Variants in STAU2 observed in about 807,000 individuals in gnomAD.
STAU2 encodes the protein double-stranded RNA-binding protein Staufen homolog 2.
Under a neutral mutation model 65.9 loss-of-function variants are expected in STAU2, and 20 were observed. The observed-to-expected ratio is 0.30, with a 90% CI of 0.21 to 0.44. STAU2 has a LOEUF of 0.44. Among genes scored for constraint, STAU2 ranks in the 20% least tolerant of loss-of-function variants. STAU2 has a pLI of 1.00. For missense variants in STAU2, 558 were observed against 683.9 expected (o/e 0.82, Z 2.05); for synonymous variants, 232 against 233.9 (o/e 0.99, Z 0.07).
chr8:73,516,935 G>C (rs749582800), intron 13 of STAU2, among the ~76,000 whole-genome samples: 14 of 152,014 alleles, frequency 9.2e-5, no homozygotes, highest in Non-Finnish European at 1.6e-4. Flanking sequence ...GTTATTTATT[G>C]GTTTAATAAT....
intron 3 of STAU2, among the ~76,000 whole-genome samples, chr8:73,726,524 T>C (rs191959891): frequency 2.0e-5 from 3 of 152,214 alleles, no homozygotes; most frequent in Non-Finnish European, 4.4e-5. Context: ...CCACTCGATA[T>C]TTCCCACAGC....
At chr8:73,711,901 C>A (rs1014503970) in intron 3 of STAU2, among the ~76,000 whole-genome samples, 44 of 152,150 alleles carry the variant, frequency 2.9e-4, no homozygotes, top group African/African-American at 9.9e-4. Context: ...AATAATTAGT[C>A]ATAGTTGTTT....
chr8:73,656,383 G>T (rs1816376725), intron 6 of STAU2, among the ~76,000 whole-genome samples: 1 of 152,202 alleles, frequency 6.6e-6, no homozygotes, highest in Admixed American at 6.5e-5. Flanking sequence ...GGCAATTGAT[G>T]TTAAGTCCTC....
At chr8:73,539,905 C>T (rs1806432798) in intron 13 of STAU2, among the ~76,000 whole-genome samples, 1 of 149,252 alleles carries the variant, frequency 6.7e-6, no homozygotes, top group African/African-American at 2.5e-5. Context: ...ATGAATAACG[C>T]CTCAAGGAAT....
intron 13 of STAU2, chr8:73,511,422 C>T (rs1001665481): frequency 1.3e-5 from 2 of 152,624 alleles, no homozygotes; most frequent in African/African-American, 2.4e-5. Context: ...TTTCTGATTC[C>T]TCTGCTGTAT....
intron 5 of STAU2, among the ~76,000 whole-genome samples, chr8:73,685,566 C>T (rs1031044207): frequency 6.6e-5 from 10 of 151,920 alleles, no homozygotes; most frequent in African/African-American, 2.4e-4. Flanking sequence ...TTAGTAGAGA[C>T]AGGGTTTCAC....
chr8:73,707,229 G>A (rs1312126998), intron 4 of STAU2, among the ~76,000 whole-genome samples: 1 of 152,164 alleles, frequency 6.6e-6, no homozygotes, highest in East Asian at 1.9e-4. Context: ...GGGAAAGAAA[G>A]GAATAGTAAA....
At chr8:73,699,736 A>T (rs189923537) in intron 4 of STAU2, among the ~76,000 whole-genome samples, 73 of 152,142 alleles carry the variant, frequency 4.8e-4, no homozygotes, top group Middle Eastern at 3.4e-3. Flanking sequence ...ATTCTACCAA[A>T]TATTTAAAGT....
chr8:73,421,823 T>C (rs1816399467), intron 14 of STAU2, among the ~76,000 whole-genome samples: 1 of 152,228 alleles, frequency 6.6e-6, no homozygotes, highest in Non-Finnish European at 1.5e-5. Context: ...TGGTTTTTAC[T>C]TCCTGGGTTG....
At chr8:73,455,526 T>TCAGGGCAGTC (rs2128896821) in intron 13 of STAU2, among the ~76,000 whole-genome samples, 1 of 152,152 alleles carries the variant, frequency 6.6e-6, no homozygotes, top group Non-Finnish European at 1.5e-5. Context: ...CAGCCTCAGC[T>TCAGGGCAGTC]CAGGGCAGTC....
intron 13 of STAU2, among the ~76,000 whole-genome samples, chr8:73,539,945 A>G (rs1290753118): frequency 6.6e-6 from 1 of 152,066 alleles, no homozygotes; most frequent in Non-Finnish European, 1.5e-5. Flanking sequence ...ATGCATGTAA[A>G]TGAAGTCCCA....
intron 3 of STAU2, among the ~76,000 whole-genome samples, chr8:73,718,226 C>T (rs1304722483): frequency 1.3e-5 from 2 of 152,168 alleles, no homozygotes; most frequent in Admixed American, 6.5e-5. Context: ...GATTCATTAA[C>T]ATTGAACTCA....
intron 6 of STAU2, among the ~76,000 whole-genome samples, chr8:73,655,756 C>A (rs1306593338): frequency 6.9e-6 from 1 of 145,620 alleles, no homozygotes; most frequent in East Asian, 2.1e-4. Context: ...TCACGCCATT[C>A]TCCTGCCTCA....
chr8:73,618,678 A>T (rs1351121360), intron 6 of STAU2, among the ~76,000 whole-genome samples: 2 of 152,224 alleles, frequency 1.3e-5, no homozygotes, highest in East Asian at 3.8e-4. Context: ...TATTTTGAGG[A>T]CACACTGTAG....
chr8:73,529,461 A>G (rs1436574454), intron 13 of STAU2, among the ~76,000 whole-genome samples: 1 of 152,224 alleles, frequency 6.6e-6, no homozygotes, highest in Non-Finnish European at 1.5e-5. Flanking sequence ...TATGAAAGAC[A>G]TGACAATCTC....
intron 13 of STAU2, among the ~76,000 whole-genome samples, chr8:73,483,365 T>C (rs1820742154): frequency 6.6e-6 from 1 of 152,146 alleles, no homozygotes; most frequent in African/African-American, 2.4e-5. Context: ...TAATTTTAAA[T>C]TAACTTCCCT....
At chr8:73,553,865 G>C (rs79920087) in intron 12 of STAU2, among the ~76,000 whole-genome samples, 2 of 151,580 alleles carry the variant, frequency 1.3e-5, no homozygotes, top group Non-Finnish European at 2.9e-5. Context: ...GGGAATGTTT[G>C]TAAGGATTAC....
At chr8:73,694,232 A>C (rs1819548491) in intron 4 of STAU2, among the ~76,000 whole-genome samples, 1 of 152,234 alleles carries the variant, frequency 6.6e-6, no homozygotes, top group South Asian at 2.1e-4. Context: ...TAAAATTGAC[A>C]ATTAAAGTCA....
chr8:73,430,438 T>G (rs774005995), intron 13 of STAU2, among the ~76,000 whole-genome samples: 12 of 152,050 alleles, frequency 7.9e-5, no homozygotes, highest in Non-Finnish European at 1.3e-4. Flanking sequence ...GAATCAGGGC[T>G]CTCCTCTCAC....
Sources: gnomAD v4.1 joint callset for allele counts (sites outside exome capture counted in the v4.1 genomes callset) on GRCh38, gnomAD v4.1.1 for gene constraint, MANE v1.5 for transcripts, NCBI Gene and HGNC (gene_info 2026-07-23, HGNC 2026-07-21) for gene names.